WAPL: variants seen among roughly 807,000 people sequenced by gnomAD.
WAPL encodes wings apart-like protein homolog.
WAPL carries 5 observed loss-of-function variants against 121.0 expected under a neutral mutation model. The observed-to-expected ratio is 0.04, with a 90% CI of 0.02 to 0.09. The LOEUF (loss-of-function observed/expected upper bound fraction) is 0.09. WAPL is among the 10% of genes least tolerant of loss of function. WAPL has a pLI of 1.00. For synonymous variants in WAPL, 480 were observed against 481.5 expected (o/e 1.00, Z 0.04); for missense variants, 999 against 1,410.8 (o/e 0.71, Z 4.68).
intron 4 of WAPL, among the ~76,000 whole-genome samples, chr10:86,489,885 G>A (rs201358081): frequency 8.8e-4 from 119 of 135,454 alleles, no homozygotes; most frequent in Admixed American, 1.0e-3. Flanking sequence ...GTTTTGCCTT[G>A]AAAAAAAAAA....
chr10:86,486,512 T>A (rs1357100753), intron 4 of WAPL, among the ~76,000 whole-genome samples: 1 of 152,240 alleles, frequency 6.6e-6, no homozygotes, highest in Admixed American at 6.5e-5. Flanking sequence ...TGATTTATAC[T>A]GATAAATTTT....
chr10:86,452,444 A>T (rs762776669), intron 14 of WAPL, among the ~76,000 whole-genome samples: 1 of 151,828 alleles, frequency 6.6e-6, no homozygotes, highest in Non-Finnish European at 1.5e-5. Flanking sequence ...ATACAAAAAT[A>T]AGCCAGGTGT....
intron 11 of WAPL, among the ~76,000 whole-genome samples, chr10:86,459,285 TA>T (rs1453177090): frequency 1.3e-5 from 2 of 152,220 alleles, no homozygotes; most frequent in Non-Finnish European, 2.9e-5. Context: ...CATTCATAAT[TA>T]ACATATTCTA....
intron 9 of WAPL, among the ~76,000 whole-genome samples, chr10:86,466,381 C>A (rs1841396394): frequency 6.6e-6 from 1 of 152,126 alleles, no homozygotes; most frequent in South Asian, 2.1e-4. Flanking sequence ...CCAGCCTGGG[C>A]AACATGGCGA....
chr10:86,486,198 C>T (rs1841928234), intron 4 of WAPL, among the ~76,000 whole-genome samples: 2 of 152,190 alleles, frequency 1.3e-5, no homozygotes, highest in Admixed American at 6.5e-5. Context: ...AGTCCCCATA[C>T]ATATAACAAA....
intron 17 of WAPL, among the ~76,000 whole-genome samples, chr10:86,442,184 G>A (rs575094963): frequency 4.6e-5 from 7 of 152,046 alleles, no homozygotes; most frequent in Admixed American, 1.3e-4. Context: ...GGTGTGCACC[G>A]CCACGCCCAG....
Position 86,452,096 on chromosome 10 carries a change from A to G in WAPL, c.2985T>C (p.Ser995=). 1.9e-6 allele frequency: 3 copies of G among 1,614,176 alleles called. No homozygotes were observed. The highest frequency in any genetic ancestry group is 1.6e-4 in the Middle Eastern group (1 of 6,062). ...LGLLINLVEY[S]ARNRHCLVNM... ...TGACAAGACAGTGCCGATTCCGAGC[A>G]CTATACTCCACTAGATTTATCAGCA... The change falls in exon 15 of 19, where the codon AGT becomes AGC. Residue 995 remains serine (S), a synonymous_variant. Coordinates refer to ENST00000298767, the MANE Select transcript of WAPL (RefSeq NM_015045.5).
chr10:86,496,035 A>G (rs1236339887), intron 4 of WAPL, among the ~76,000 whole-genome samples: 1 of 152,176 alleles, frequency 6.6e-6, no homozygotes, highest in African/African-American at 2.4e-5. Flanking sequence ...AATTCCTTGA[A>G]CCCAGGAGGC....
chr10:86,500,852 C>A (rs534774174), intron 2 of WAPL, 109 bp from the exon 3 acceptor site: 1 of 920,300 alleles, frequency 1.1e-6, no homozygotes, highest in East Asian at 2.7e-5. Context: ...GGAAGAACTG[C>A]AAATAATTTT....
intron 8 of WAPL, 106 bp from the exon 9 acceptor site, chr10:86,467,612 A>G (rs755094562): frequency 1.1e-5 from 9 of 821,100 alleles, no homozygotes; most frequent in Non-Finnish European, 1.7e-5. Context: ...TTAATGCTTA[A>G]AACTTATATT....
chr10:86,456,404 C>CA (rs200771344), intron 12 of WAPL, among the ~76,000 whole-genome samples: 11,733 of 117,634 alleles, frequency 0.1, 798 homozygotes, highest in East Asian at 0.4. Flanking sequence ...TTTATGATAC[C>CA]AAAAAAAAAA....
At chr10:86,447,965 T>A (rs997586700) in intron 15 of WAPL, among the ~76,000 whole-genome samples, 2 of 151,348 alleles carry the variant, frequency 1.3e-5, no homozygotes, top group African/African-American at 4.9e-5. Flanking sequence ...GGAGAATCAC[T>A]GGAACCTGGG....
intron 2 of WAPL, among the ~76,000 whole-genome samples, chr10:86,510,760 AAGT>A (rs1417165391): frequency 1.3e-5 from 2 of 152,260 alleles, no homozygotes; most frequent in Non-Finnish European, 2.9e-5. Flanking sequence ...ATATGAAAAT[AAGT>A]AGTAGAAAAT....
At chr10:86,492,129 G>A (rs1480482384) in intron 4 of WAPL, among the ~76,000 whole-genome samples, 1 of 152,066 alleles carries the variant, frequency 6.6e-6, no homozygotes, top group Non-Finnish European at 1.5e-5. Flanking sequence ...TATTCTTTGT[G>A]TCTGAGTTAT....
chr10:86,507,697 C>T (rs947395668), intron 2 of WAPL, among the ~76,000 whole-genome samples: 2 of 151,492 alleles, frequency 1.3e-5, no homozygotes, highest in African/African-American at 4.9e-5. Flanking sequence ...ACTTCATAAA[C>T]ATTAAAATCA....
intron 4 of WAPL, among the ~76,000 whole-genome samples, chr10:86,496,494 C>G (rs1472553891): frequency 1.3e-5 from 2 of 152,134 alleles, no homozygotes; most frequent in African/African-American, 2.4e-5. Context: ...GTATGCCAAC[C>G]TTCACAGCAG....
rs112961477 is a variant in WAPL, at chr10:86,471,947, A to G, written c.2030+261T>C. ...ACCACACAAGGCAAAAAGATGCTTT[A>G]GCGTAATTTTTTTTTTTTTTTAAGC... On this transcript the variant is annotated intron_variant, in intron 7 of 18. Transcript: ENST00000298767. 2.2e-3 allele frequency among the ~76,000 whole-genome samples: 181 copies of G among 82,922 alleles called. 3 individuals are homozygous for G. The South Asian group carries it at 0.07, about 32-fold the overall frequency. The allele number at this position is 82,922 out of a possible 152,430, so 54.4% of individuals were successfully genotyped here. A position where few individuals can be genotyped will look rare whatever the true frequency, so the allele number is the denominator to read the frequency against.
rs543256563 is a variant in WAPL at position 86,476,024 on chromosome 10, A to G, written c.1645-2051T>C. ...AAAGCAAGATCCTGTCTCTACAAAA[A>G]ATAAAATTAAAGAAATTAAAGAAGC... On this transcript the variant is annotated intron_variant, in intron 4 of 18. Transcript: ENST00000298767. Among the ~76,000 whole-genome samples, 244 of 152,370 alleles carry G rather than the reference A, an allele frequency of 1.6e-3. 1 individual carries two copies. Among genetic ancestry groups the G allele is most frequent in the African/African-American group, 5.7e-3 (236 of 41,594 alleles).
chr10:86,513,078 G>A lies in WAPL; in HGVS notation c.499+4493C>T, dbSNP rs563567998. ...TTTTTGTTTTTTGAGATGGAGTCTCGCTCTGTTGCCCAAGTTGGAGTGCAG... is the reference window on the plus strand; with the variant it reads ...TTTTTGTTTTTTGAGATGGAGTCTCACTCTGTTGCCCAAGTTGGAGTGCAG... On this transcript the variant is annotated intron_variant, in intron 2 of 18. Coordinates refer to ENST00000298767, the MANE Select transcript of WAPL (RefSeq NM_015045.5). Among the ~76,000 whole-genome samples, 7 of 152,096 alleles carry A rather than the reference G, an allele frequency of 4.6e-5. No individual in the cohort carries two copies. In the South Asian group the frequency reaches 6.2e-4, roughly 14 times the overall value.
Sources: allele counts gnomAD v4.1 joint callset (sites outside exome capture counted in the v4.1 genomes callset), GRCh38; gene constraint gnomAD v4.1.1; transcripts MANE v1.5; gene names NCBI Gene and HGNC (gene_info 2026-07-23, HGNC 2026-07-21).